MACROD2: variants seen among roughly 807,000 people sequenced by gnomAD.
MACROD2 encodes the protein ADP-ribose glycohydrolase MACROD2.
A neutral mutation model predicts 70.4 loss-of-function variants in MACROD2; 36 were observed. The ratio of observed to expected loss-of-function variants is 0.51; its 90% CI spans 0.39 to 0.68. The LOEUF is 0.68. Ranked by LOEUF, MACROD2 falls within the 30% of genes least tolerant of loss-of-function variation. MACROD2 has a pLI of 0.00. For synonymous variants in MACROD2, 172 were observed against 178.8 expected (o/e 0.96, Z 0.30); for missense variants, 496 against 538.4 (o/e 0.92, Z 0.78).
chr20:14,922,004 T>A (rs1247476801), intron 5 of MACROD2, among the ~76,000 whole-genome samples: 1 of 152,166 alleles, frequency 6.6e-6, no homozygotes, highest in African/African-American at 2.4e-5. Context: ...TTCTTCTAAT[T>A]ATTTTCTGAT....
At chr20:15,186,969 A>G (rs1421683735) in intron 5 of MACROD2, among the ~76,000 whole-genome samples, 1 of 152,236 alleles carries the variant, frequency 6.6e-6, no homozygotes, top group African/African-American at 2.4e-5. Context: ...ATTTTTTAAG[A>G]AGCATATTTT....
intron 6 of MACROD2, among the ~76,000 whole-genome samples, chr20:15,422,912 C>G (rs140525027): frequency 6.6e-5 from 10 of 152,284 alleles, no homozygotes; most frequent in Middle Eastern, 3.4e-3. Flanking sequence ...CTTTCCATGT[C>G]AAATCTTTAT....
In MACROD2 at chr20:13,995,845, TGGGGGTTAGGGTGGGGGC is replaced by T; in HGVS notation, c.46+43_46+60del. On this transcript the variant is annotated intron_variant, in intron 1 of 17. Transcript: ENST00000684519. The surrounding 1 kb of genome is among the most constrained non-coding windows in gnomAD (Gnocchi z 4.3). ...CGTCGAGTCCTGGGGGTGCGGGCGG[TGGGGGTTAGGGTGGGGGC>T]GGGGGTCAGGCTGTGTGTGCCGCGG... 5 of 298,242 alleles carry T rather than the reference TGGGGGTTAGGGTGGGGGC, an allele frequency of 1.7e-5. No individual in the cohort carries two copies. The highest frequency in any genetic ancestry group is 2.5e-5 in the Non-Finnish European group (4 of 160,876). The allele number at this position is 298,242 out of a possible 1,614,324, so 18.5% of individuals were successfully genotyped here.
chr20:15,978,817 G>A, intron 13 of MACROD2, among the ~76,000 whole-genome samples: 1 of 152,150 alleles, frequency 6.6e-6, no homozygotes, highest in East Asian at 1.9e-4. Context: ...GAGGAAAGAA[G>A]GCAGGAGACT....
chr20:14,016,480 T>C (rs942649575), intron 2 of MACROD2, among the ~76,000 whole-genome samples: 8 of 152,196 alleles, frequency 5.3e-5, no homozygotes, highest in Non-Finnish European at 1.2e-4. Context: ...GAAGACATTG[T>C]TAAATCCAAT....
intron 3 of MACROD2, among the ~76,000 whole-genome samples, chr20:14,249,732 A>G (rs1282850987): frequency 6.6e-6 from 1 of 152,142 alleles, no homozygotes; most frequent in African/African-American, 2.4e-5. Flanking sequence ...TTTTAAAAAA[A>G]ACTTCAGAGT....
At chr20:14,517,611 A>G (rs1276762534) in intron 4 of MACROD2, among the ~76,000 whole-genome samples, 1 of 152,158 alleles carries the variant, frequency 6.6e-6, no homozygotes, top group Non-Finnish European at 1.5e-5. Flanking sequence ...GGGTGCAGCA[A>G]ACCACCATGG....
chr20:16,001,541 A>G (rs1183526703), intron 15 of MACROD2, among the ~76,000 whole-genome samples: 2 of 152,234 alleles, frequency 1.3e-5, no homozygotes, highest in African/African-American at 4.8e-5. Flanking sequence ...TTTTTTACAT[A>G]GAAGCACATG....
chr20:15,826,876 G>A (rs772713759), intron 8 of MACROD2, among the ~76,000 whole-genome samples: 1 of 152,154 alleles, frequency 6.6e-6, no homozygotes, highest in African/African-American at 2.4e-5. Context: ...AAAAAATGTG[G>A]CTGACATATG....
intron 4 of MACROD2, among the ~76,000 whole-genome samples, chr20:14,663,145 T>C (rs1401330538): frequency 6.6e-6 from 1 of 151,980 alleles, no homozygotes; most frequent in Non-Finnish European, 1.5e-5. Flanking sequence ...TGGAATACTA[T>C]GCAGCCATAA....
chr20:14,777,351 T>C (rs77595969), intron 5 of MACROD2, among the ~76,000 whole-genome samples: 8,437 of 152,072 alleles, frequency 0.055, 308 homozygotes, highest in African/African-American at 0.084. Flanking sequence ...AAAATGCAGC[T>C]CTACTAAGGG....
At chr20:14,230,442 T>C (rs2081792209) in intron 3 of MACROD2, among the ~76,000 whole-genome samples, 1 of 151,682 alleles carries the variant, frequency 6.6e-6, no homozygotes, top group Non-Finnish European at 1.5e-5. Flanking sequence ...CCTTAAGAAG[T>C]AACTCCTCAT....
intron 3 of MACROD2, among the ~76,000 whole-genome samples, chr20:14,375,872 G>C (rs2083366309): frequency 6.6e-6 from 1 of 152,148 alleles, no homozygotes; most frequent in African/African-American, 2.4e-5. Context: ...ATTATGCCAG[G>C]AGAATGGCAA....
At chr20:15,328,472 CAT>C (rs2146186058) in intron 6 of MACROD2, among the ~76,000 whole-genome samples, 1 of 152,218 alleles carries the variant, frequency 6.6e-6, no homozygotes, top group African/African-American at 2.4e-5. Flanking sequence ...TGAGAATAGA[CAT>C]AGAGAGATTT....
intron 5 of MACROD2, among the ~76,000 whole-genome samples, chr20:15,132,096 C>A (rs2076110258): frequency 6.6e-6 from 1 of 151,868 alleles, no homozygotes; most frequent in African/African-American, 2.4e-5. Flanking sequence ...ACTATTAAAT[C>A]CAAGCCAAGA....
intron 6 of MACROD2, among the ~76,000 whole-genome samples, chr20:15,276,272 C>T (rs1383243370): frequency 1.3e-5 from 2 of 151,690 alleles, no homozygotes; most frequent in African/African-American, 2.4e-5. Flanking sequence ...TGGTGGCAGG[C>T]GCCTGTAGTC....
chr20:15,413,453 G>A (rs1169365398), intron 6 of MACROD2, among the ~76,000 whole-genome samples: 3 of 152,182 alleles, frequency 2.0e-5, no homozygotes, highest in Non-Finnish European at 4.4e-5. Context: ...TCTCATTAAG[G>A]ATGACTTCAT....
chr20:15,470,482 G>A (rs6079847), intron 7 of MACROD2, among the ~76,000 whole-genome samples: 1 of 151,944 alleles, frequency 6.6e-6, no homozygotes, highest in Non-Finnish European at 1.5e-5. Flanking sequence ...AGGGGTTGGA[G>A]GGGGAAACTA....
chr20:14,541,517 A>G (rs559717363), intron 4 of MACROD2, among the ~76,000 whole-genome samples: 4 of 152,266 alleles, frequency 2.6e-5, no homozygotes, highest in Non-Finnish European at 5.9e-5. Context: ...ACTAAACTCT[A>G]TAAAACTGGG....
Sources: allele counts gnomAD v4.1 joint callset (sites outside exome capture counted in the v4.1 genomes callset), GRCh38; gene constraint gnomAD v4.1.1; non-coding constraint Gnocchi (gnomAD v3.1); transcripts MANE v1.5; gene names NCBI Gene and HGNC (gene_info 2026-07-23, HGNC 2026-07-21).